The following KIAA1217 variants were observed in gnomAD, a reference collection of about 807,000 sequenced individuals.
KIAA1217 encodes sickle tail protein homolog.
A neutral mutation model predicts 163.9 loss-of-function variants in KIAA1217; 88 were observed. That is an observed-to-expected ratio of 0.54 (90% CI 0.45 to 0.64). The LOEUF (loss-of-function observed/expected upper bound fraction) is 0.64. Among genes scored for constraint, KIAA1217 ranks in the 30% least tolerant of loss-of-function variants. The pLI, the probability that KIAA1217 is intolerant of heterozygous loss-of-function variation, is 0.00. For synonymous variants in KIAA1217, 903 were observed against 923.1 expected (o/e 0.98, Z 0.39); for missense variants, 2,372 against 2,475.0 (o/e 0.96, Z 0.88).
chr10:24,543,263 T>C lies in KIAA1217; in HGVS notation c.3993T>C (p.His1331=). Reference sequence around the variant, plus strand: ...CTAGACTAACAGAATCAAGCGTGCATGATTTTAAAACAGAAGATCAAGAGG... The same window carrying C: ...CTAGACTAACAGAATCAAGCGTGCACGATTTTAAAACAGAAGATCAAGAGG... The part of the protein sequence containing the change: ...SHTRLTESSV[H]DFKTEDQEVI... The change falls in exon 19 of 21, where the codon CAT becomes CAC. Residue 1331 remains histidine (H), a synonymous_variant. Transcript: ENST00000376454. 1 of 1,613,800 alleles carries C rather than the reference T, an allele frequency of 6.2e-7. No individual in the cohort carries two copies. Among genetic ancestry groups the C allele is most frequent in the Non-Finnish European group, 8.5e-7 (1 of 1,180,004 alleles).
At chr10:24,141,868 T>C (rs112755151) in intron 2 of KIAA1217, among the ~76,000 whole-genome samples, 1 of 13,852 alleles carries the variant, frequency 7.2e-5, no homozygotes, top group Non-Finnish European at 1.8e-4. Flanking sequence ...ATTTCTATTG[T>C]TTTTTTTTAG....
intron 3 of KIAA1217, among the ~76,000 whole-genome samples, chr10:24,422,901 C>CTTTTTTTTTTTTTTTTTTTTTTTTT (rs58161228): frequency 9.1e-5 from 11 of 120,608 alleles, no homozygotes; most frequent in Admixed American, 1.8e-4. Context: ...ATAGATTTAA[C>CTTTTTTTTTTTTTTTTTTTTTTTTT]TTTTTTTTTT....
intron 10 of KIAA1217, among the ~76,000 whole-genome samples, chr10:24,517,144 C>T (rs943908882): frequency 6.6e-6 from 1 of 151,132 alleles, no homozygotes; most frequent in Non-Finnish European, 1.5e-5. Flanking sequence ...CACTGCACCC[C>T]AGCCTGGGTA....
intron 1 of KIAA1217, among the ~76,000 whole-genome samples, chr10:23,810,930 T>C (rs1457675043): frequency 8.4e-6 from 1 of 118,986 alleles, no homozygotes; most frequent in African/African-American, 3.5e-5. Context: ...TAATATAGTA[T>C]ATATACTATA....
At chr10:23,842,248 G>A (rs147021892) in intron 1 of KIAA1217, among the ~76,000 whole-genome samples, 155 of 152,204 alleles carry the variant, frequency 1.0e-3, no homozygotes, top group Non-Finnish European at 1.9e-3. Context: ...CAATCTACAA[G>A]ATAGGGGAAT....
At chr10:23,901,510 G>T (rs1025032194) in intron 1 of KIAA1217, among the ~76,000 whole-genome samples, 2 of 152,048 alleles carry the variant, frequency 1.3e-5, no homozygotes, top group African/African-American at 4.8e-5. Context: ...ACTAACTTAT[G>T]TTGGAAATCA....
upstream of KIAA1217, among the ~76,000 whole-genome samples, chr10:24,208,216 T>C (rs1183723169): frequency 3.3e-5 from 5 of 151,746 alleles, no homozygotes; most frequent in Non-Finnish European, 1.5e-5. Context: ...AAAATAAATA[T>C]TTGTAGGTGG....
intron 2 of KIAA1217, among the ~76,000 whole-genome samples, chr10:24,289,144 A>G (rs1666802193): frequency 1.3e-5 from 2 of 152,238 alleles, no homozygotes; most frequent in Admixed American, 1.3e-4. Flanking sequence ...TAATAATACA[A>G]AGCCATTAAG....
At chr10:24,455,925 G>A (rs2061739892) in intron 5 of KIAA1217, among the ~76,000 whole-genome samples, 2 of 152,192 alleles carry the variant, frequency 1.3e-5, no homozygotes, top group Admixed American at 6.5e-5. Context: ...GTCTCCCTCT[G>A]TTGCCCAGGC....
At chr10:24,418,470 C>T (rs1365806786) in intron 3 of KIAA1217, among the ~76,000 whole-genome samples, 1 of 151,918 alleles carries the variant, frequency 6.6e-6, no homozygotes, top group Non-Finnish European at 1.5e-5. Flanking sequence ...AATTTATACA[C>T]TTCACATTGA....
chr10:24,099,887 G>C (rs1016382425), intron 2 of KIAA1217, among the ~76,000 whole-genome samples: 3 of 151,944 alleles, frequency 2.0e-5, no homozygotes, highest in African/African-American at 7.3e-5. Context: ...TAGGTTACTA[G>C]TTTTGCCACT....
chr10:24,367,075 C>G (rs995882737), intron 2 of KIAA1217: 3 of 753,952 alleles, frequency 4.0e-6, no homozygotes, highest in Non-Finnish European at 3.2e-6. Flanking sequence ...ATGTTTTCAC[C>G]CCTTTTCTTT....
At chr10:23,816,615 T>A (rs992044638) in intron 1 of KIAA1217, among the ~76,000 whole-genome samples, 5 of 152,206 alleles carry the variant, frequency 3.3e-5, no homozygotes, top group African/African-American at 1.2e-4. Context: ...TTGATAATAC[T>A]GTATTTAAAA....
chr10:24,471,711 C>T (rs572987520), intron 5 of KIAA1217, among the ~76,000 whole-genome samples: 6 of 151,984 alleles, frequency 3.9e-5, no homozygotes, highest in African/African-American at 7.2e-5. Flanking sequence ...GGAGAAACCC[C>T]GTCTCTACTA....
At chr10:24,041,524 A>T (rs138013577) in intron 2 of KIAA1217, among the ~76,000 whole-genome samples, 1 of 152,316 alleles carries the variant, frequency 6.6e-6, no homozygotes, top group African/African-American at 2.4e-5. Context: ...ATGCACACAC[A>T]TATGCACATA....
At chr10:23,924,422 A>T (rs1461908450) in intron 1 of KIAA1217, among the ~76,000 whole-genome samples, 1 of 152,230 alleles carries the variant, frequency 6.6e-6, no homozygotes, top group Non-Finnish European at 1.5e-5. Flanking sequence ...CTATAAGAAG[A>T]AAATGTAGGA....
intron 1 of KIAA1217, among the ~76,000 whole-genome samples, chr10:24,210,197 G>A (rs2130616241): frequency 6.6e-6 from 1 of 151,740 alleles, no homozygotes; most frequent in East Asian, 2.0e-4. Context: ...TGTGTTTTAT[G>A]AAAATGTGAA....
Position 24,054,925 on chromosome 10 carries a change from C to T in KIAA1217, c.-171+47551C>T, listed in dbSNP as rs117867001. 5.7e-4 allele frequency among the ~76,000 whole-genome samples: 87 copies of T among 152,212 alleles called. No homozygotes were observed. The East Asian group carries it at 0.013, about 23-fold the overall frequency. Reference sequence around the variant, plus strand: ...GACTCCTGTTGTATATGTGATTTGTCCTTAACCAAAATTTTGTTATGCAGC... The same window carrying T: ...GACTCCTGTTGTATATGTGATTTGTTCTTAACCAAAATTTTGTTATGCAGC... On this transcript the variant is annotated intron_variant, in intron 2 of 18. Coordinates refer to the KIAA1217 transcript ENST00000376462.
intron 2 of KIAA1217, among the ~76,000 whole-genome samples, chr10:24,040,256 T>C (rs1589273139): frequency 6.6e-6 from 1 of 152,344 alleles, no homozygotes; most frequent in East Asian, 1.9e-4. Flanking sequence ...GCCTGGTCTC[T>C]GGAGTAGCCA....
Sources: gnomAD v4.1 joint callset for allele counts (sites outside exome capture counted in the v4.1 genomes callset) on GRCh38, gnomAD v4.1.1 for gene constraint, MANE v1.5 for transcripts, NCBI Gene and HGNC (gene_info 2026-07-23, HGNC 2026-07-21) for gene names.